The following WDR70 variants were observed in gnomAD, a reference collection of about 807,000 sequenced individuals.
The protein encoded by WDR70 is WD repeat-containing protein 70.
In WDR70, 53 loss-of-function variants were observed where a neutral mutation model predicts 88.6. The ratio of observed to expected loss-of-function variants is 0.60; its 90% CI spans 0.48 to 0.75. The LOEUF (loss-of-function observed/expected upper bound fraction) is 0.75. Ranked by LOEUF, WDR70 falls within the 30% of genes least tolerant of loss-of-function variation. The probability of loss-of-function intolerance (pLI) is 0.00; values close to 1 mark genes in which losing one functional copy is unlikely to be tolerated. For synonymous variants in WDR70, 280 were observed against 270.0 expected, an observed-to-expected ratio of 1.04 and a Z score of -0.36; for missense variants, 610 against 823.2, an observed-to-expected ratio of 0.74 and a Z score of 3.17.
At chr5:37,611,181 A>G (rs1744180753) in intron 10 of WDR70, among the ~76,000 whole-genome samples, 1 of 152,020 alleles carries the variant, frequency 6.6e-6, no homozygotes, top group Admixed American at 6.6e-5. Flanking sequence ...TTTTTGTTAA[A>G]TTTTCGTAAT....
rs140362443 is a variant in WDR70 at position 37,699,031 on chromosome 5, A to G, written c.1192+1277A>G. Among the ~76,000 whole-genome samples, 107 of 152,216 alleles carry G rather than the reference A, an allele frequency of 7.0e-4. 1 individual carries two copies. The highest frequency in any genetic ancestry group is 3.9e-4 in the Admixed American group (6 of 15,280). The stretch of plus-strand genomic sequence containing the variant: ...TATTTAAAACAATGGTTCTCATCCC[A>G]GTAGTGTATCTGAATCCCCTGGGAA... On this transcript the variant is annotated intron_variant, in intron 11 of 17. Transcript: ENST00000265107.
intron 12 of WDR70, among the ~76,000 whole-genome samples, chr5:37,702,377 T>C (rs1016558185): frequency 6.6e-6 from 1 of 152,220 alleles, no homozygotes; most frequent in African/African-American, 2.4e-5. Flanking sequence ...CACAATCAGA[T>C]GGCCAGACTG....
chr5:37,430,433 A>G (rs1750265691), intron 5 of WDR70, among the ~76,000 whole-genome samples: 2 of 152,244 alleles, frequency 1.3e-5, no homozygotes, highest in African/African-American at 4.8e-5. Context: ...TAAATGGCTG[A>G]ATAATGGTAA....
chr5:37,401,053 CAGTGGTGTAATCAA>C (rs1209944782), intron 5 of WDR70, among the ~76,000 whole-genome samples: 1 of 151,420 alleles, frequency 6.6e-6, no homozygotes, highest in East Asian at 1.9e-4. Context: ...GGCTGGAGTA[CAGTGGTGTAATCAA>C]AGCTCACTAC....
Position 37,668,368 on chromosome 5 carries a change from G to T in WDR70, c.1093-29287G>T, listed in dbSNP as rs531311963. Among the ~76,000 whole-genome samples the T allele has an allele frequency of 3.9e-4, 60 of 152,254 alleles. 1 individual carries two copies. The highest frequency in any genetic ancestry group is 2.1e-4 in the South Asian group (1 of 4,826). The stretch of plus-strand genomic sequence containing the variant: ...TGATGTCTGAAGATTATAAATTAGA[G>T]TCTCAAAGTCCAAGAAAGACAGGAT... On this transcript the variant is annotated intron_variant, in intron 10 of 17. Transcript: ENST00000265107.
At chr5:37,741,062 C>T (rs1373759482) in intron 17 of WDR70, among the ~76,000 whole-genome samples, 1 of 152,038 alleles carries the variant, frequency 6.6e-6, no homozygotes, top group East Asian at 1.9e-4. Flanking sequence ...AAATATTTGT[C>T]TGCAGAGTCC....
chr5:37,554,041 A>T (rs1372765772), intron 9 of WDR70, among the ~76,000 whole-genome samples: 1 of 151,986 alleles, frequency 6.6e-6, no homozygotes. Flanking sequence ...AGCCTTCCAC[A>T]GAGACAGTTG....
intron 4 of WDR70, among the ~76,000 whole-genome samples, chr5:37,392,631 A>C (rs553841380): frequency 6.6e-6 from 1 of 151,894 alleles, no homozygotes; most frequent in Admixed American, 6.6e-5. Context: ...GGTGTCAGCT[A>C]CTGGGCCTGG....
intron 10 of WDR70, among the ~76,000 whole-genome samples, chr5:37,679,958 C>T (rs1370072698): frequency 1.3e-5 from 2 of 152,258 alleles, no homozygotes; most frequent in African/African-American, 4.8e-5. Context: ...CTCCCCCAGC[C>T]TCACTGCCAC....
intron 10 of WDR70, among the ~76,000 whole-genome samples, chr5:37,641,091 CT>C (rs1745089644): frequency 6.6e-6 from 1 of 152,192 alleles, no homozygotes; most frequent in South Asian, 2.1e-4. Flanking sequence ...AGCCTTTTCT[CT>C]TTTATTTCCC....
intron 8 of WDR70, among the ~76,000 whole-genome samples, chr5:37,491,414 T>C (rs1256250341): frequency 6.6e-6 from 1 of 152,232 alleles, no homozygotes; most frequent in African/African-American, 2.4e-5. Context: ...GAGCTGATAT[T>C]GTTCAGTGCC....
intron 8 of WDR70, among the ~76,000 whole-genome samples, chr5:37,515,594 CA>C (rs1740863311): frequency 6.6e-6 from 1 of 152,202 alleles, no homozygotes; most frequent in South Asian, 2.1e-4. Flanking sequence ...GCATTGTAGA[CA>C]ACTTTGGCTG....
intron 8 of WDR70, among the ~76,000 whole-genome samples, chr5:37,483,781 C>T (rs1043620397): frequency 2.7e-5 from 4 of 150,334 alleles, no homozygotes; most frequent in East Asian, 2.0e-4. Context: ...GGCTGACCCC[C>T]CACCTCCCTC....
rs116993294 is a variant in WDR70 at position 37,656,023 on chromosome 5, G to T, written c.1093-41632G>T. 2.2e-3 allele frequency among the ~76,000 whole-genome samples: 332 copies of T among 148,226 alleles called. 6 individuals carry two copies. The East Asian group carries it at 0.057, about 26-fold the overall frequency. On this transcript the variant is annotated intron_variant, in intron 10 of 17. Coordinates refer to ENST00000265107, the MANE Select transcript of WDR70 (RefSeq NM_018034.4). Reference sequence around the variant, plus strand: ...TCCTTTAGAAGAGAAGAGACGTTCTGGTTTTTGGAATTTTCAGCCTTTTTG... The same window carrying T: ...TCCTTTAGAAGAGAAGAGACGTTCTTGTTTTTGGAATTTTCAGCCTTTTTG...
At chr5:37,709,510 T>TCAGA (rs1297962690) in intron 13 of WDR70, among the ~76,000 whole-genome samples, 2 of 152,122 alleles carry the variant, frequency 1.3e-5, no homozygotes, top group Non-Finnish European at 2.9e-5. Flanking sequence ...AGGTGGAGTT[T>TCAGA]CAGAGCACTG....
intron 8 of WDR70, among the ~76,000 whole-genome samples, chr5:37,483,979 C>T (rs2112169280): frequency 6.6e-6 from 1 of 150,608 alleles, no homozygotes; most frequent in African/African-American, 2.4e-5. Flanking sequence ...AGAGGCGCTC[C>T]CCACATCTCA....
chr5:37,406,681 G>A (rs1245340542), intron 5 of WDR70, among the ~76,000 whole-genome samples: 1 of 152,130 alleles, frequency 6.6e-6, no homozygotes, highest in African/African-American at 2.4e-5. Context: ...TATCATTAAG[G>A]TCATTTATTT....
chr5:37,521,204 A>G (rs1741074304), intron 9 of WDR70, among the ~76,000 whole-genome samples: 1 of 152,250 alleles, frequency 6.6e-6, no homozygotes, highest in Non-Finnish European at 1.5e-5. Context: ...CCTTTCCCAA[A>G]TAGATTTCCA....
intron 10 of WDR70, among the ~76,000 whole-genome samples, chr5:37,615,992 G>A (rs891097351): frequency 6.6e-6 from 1 of 152,052 alleles, no homozygotes; most frequent in Non-Finnish European, 1.5e-5. Context: ...CACGTTAAAC[G>A]CAATACTTAC....
Sources: allele counts gnomAD v4.1 joint callset (sites outside exome capture counted in the v4.1 genomes callset), GRCh38; gene constraint gnomAD v4.1.1; transcripts MANE v1.5; gene names NCBI Gene and HGNC (gene_info 2026-07-23, HGNC 2026-07-21).